The following LITAFD variants were observed in gnomAD, a reference collection of about 807,000 sequenced individuals.
LITAFD encodes the protein lITAF domain-containing protein.
intron 2 of LITAFD, among the ~76,000 whole-genome samples, chr16:8,883,560 A>C (rs1372572954): frequency 6.6e-6 from 1 of 152,040 alleles, no homozygotes; most frequent in East Asian, 1.9e-4. Context: ...GGCACTCAGG[A>C]AATTTTTATG....
In LITAFD at chr16:8,885,287, C is replaced by G. The variant is rs113313261; in HGVS notation, c.211C>G (p.Arg71Gly). ...TCAGCGCGAGCTCTTCTACTACCAC[C>G]GCCTGTGAGCCCCCAAGAAATAAAT... Residue 71 changes from arginine to glycine, a missense_variant, in exon 4 of 4, where the codon CGC (arginine) becomes GGC (glycine). Arg to Gly is a moderately radical substitution (Grantham distance 125). Transcript: ENST00000636296. 1,173 of 399,144 alleles carry G rather than the reference C, an allele frequency of 2.9e-3. 7 individuals are homozygous for G. The highest frequency in any genetic ancestry group is 0.022 in the African/African-American group (1,081 of 48,720). The allele number at this position is 399,144 out of a possible 1,614,324, so 24.7% of individuals were successfully genotyped here. A position where few individuals can be genotyped will look rare whatever the true frequency, so the allele number is the denominator to read the frequency against.
At chr16:8,885,288 G>A (rs994294131) in exon 4 of LITAFD, 21 of 398,930 alleles carry the variant, frequency 5.3e-5, no homozygotes, top group East Asian at 2.1e-4. Flanking sequence ...TACTACCACC[G>A]CCTGTGAGCC....
At chr16:8,884,464 G>A (rs2061555879) in exon 3 of LITAFD, 2 of 399,380 alleles carry the variant, frequency 5.0e-6, no homozygotes, top group Non-Finnish European at 4.4e-6. Flanking sequence ...CTTCCTGTTC[G>A]GGTGAGTGGC....
chr16:8,884,453 T>G, exon 3 of LITAFD: 1 of 395,192 alleles, frequency 2.5e-6, no homozygotes, highest in Non-Finnish European at 4.5e-6. Context: ...TGTACCACCC[T>G]CTTCCTGTTC....
exon 3 of LITAFD, chr16:8,884,421 G>A (rs945970753): frequency 1.3e-5 from 5 of 399,164 alleles, no homozygotes; most frequent in Non-Finnish European, 2.2e-5. Flanking sequence ...CCTTTGTCCC[G>A]GGTGCCCTCA....
At position 8,884,759 on chromosome 16, in the gene LITAFD, A is replaced by G. The variant is rs549951698; in HGVS notation, c.110+294A>G. On this transcript the variant is annotated intron_variant, in intron 3 of 3. Coordinates refer to ENST00000636296, the Ensembl canonical transcript of LITAFD. ...GCAGCCAAGAGCTTGCGGGTTCAGG[A>G]TGGCTCTTACCTCTCAGCTGTGGAG... Among the ~76,000 whole-genome samples the G allele has an allele frequency of 2.1e-4, 32 of 152,216 alleles. No individual in the cohort carries two copies. In the South Asian group the frequency reaches 6.6e-3, roughly 32 times the overall value.
At chr16:8,883,897 T>A (rs1335829612) in intron 2 of LITAFD, among the ~76,000 whole-genome samples, 1 of 152,072 alleles carries the variant, frequency 6.6e-6, no homozygotes, top group Non-Finnish European at 1.5e-5. Context: ...AAACCCCATC[T>A]CTACTAAAAA....
intron 3 of LITAFD, 33 bp from the exon 4 acceptor site, chr16:8,885,154 C>T (rs1007062551): frequency 1.8e-5 from 7 of 399,138 alleles, no homozygotes; most frequent in East Asian, 1.4e-4. Flanking sequence ...GAGGTGGCCC[C>T]GCTCACGCCC....
chr16:8,884,731 CCAG>C (rs1306546158), intron 3 of LITAFD, among the ~76,000 whole-genome samples: 1 of 152,142 alleles, frequency 6.6e-6, no homozygotes, highest in East Asian at 1.9e-4. Flanking sequence ...GCTGCTGTCA[CCAG>C]CAGCCAAGAG....
chr16:8,883,379 ACT>A (rs2061550533), intron 2 of LITAFD, 93 bp downstream of exon 2: 1 of 151,758 alleles, frequency 6.6e-6, no homozygotes, highest in Admixed American at 6.6e-5. Flanking sequence ...TCTGACCAAG[ACT>A]CTGCCCAAAC....
intron 3 of LITAFD, 41 bp from the exon 4 acceptor site, chr16:8,885,146 G>A (rs2061560042): frequency 5.0e-6 from 2 of 399,218 alleles, no homozygotes; most frequent in South Asian, 1.3e-4. Flanking sequence ...TACAGTGAGA[G>A]GTGGCCCCGC....
intron 2 of LITAFD, among the ~76,000 whole-genome samples, chr16:8,884,043 C>T (rs574462213): frequency 2.0e-4 from 31 of 152,124 alleles, no homozygotes; most frequent in East Asian, 5.8e-4. Flanking sequence ...CCAGCCTGGA[C>T]GACAGAGTGA....
chr16:8,883,447 G>A (rs1596338499), intron 2 of LITAFD, among the ~76,000 whole-genome samples, 161 bp downstream of exon 2: 1 of 152,268 alleles, frequency 6.6e-6, no homozygotes, highest in South Asian at 2.1e-4. Context: ...GGACCCCGCA[G>A]CTGGCCAGCT....
At chr16:8,885,059 TGA>T (rs945261830) in intron 3 of LITAFD, 126 bp from the exon 4 acceptor site, 10 of 398,952 alleles carry the variant, frequency 2.5e-5, no homozygotes, top group Admixed American at 2.2e-4. Flanking sequence ...GGATACAGAG[TGA>T]GACTCTGTCT....
chr16:8,884,165 G>A (rs1229608144), intron 2 of LITAFD, among the ~76,000 whole-genome samples, 158 bp from the exon 3 acceptor site: 1 of 152,120 alleles, frequency 6.6e-6, no homozygotes, highest in African/African-American at 2.4e-5. Flanking sequence ...AAACCGGGGT[G>A]GGGGAGCCAC....
chr16:8,882,362 C>T (rs1168745134), exon 1 of LITAFD: 2 of 152,790 alleles, frequency 1.3e-5, no homozygotes, highest in African/African-American at 4.8e-5. Context: ...GGTGTGGCCC[C>T]AGCTCCTCAC....
intron 1 of LITAFD, 44 bp downstream of exon 1, chr16:8,882,554 G>C (rs1281156732): frequency 2.0e-5 from 3 of 152,394 alleles, no homozygotes; most frequent in African/African-American, 7.2e-5. Context: ...GCAGGGACCG[G>C]GAAGAAGTCT....
At position 8,885,230 on chromosome 16, in the gene LITAFD, C is replaced by CTGGCATTCTGCA. The variant is rs547447926; in HGVS notation, c.155_156insGGCATTCTGCAT (p.Leu52_Met53insAlaPheCysIle). On this transcript the variant is annotated inframe_insertion, in exon 4 of 4. Coordinates refer to ENST00000636296, the Ensembl canonical transcript of LITAFD. ...CTTCCTGGCATTCTGCATAAGGAGC[C>CTGGCATTCTGCA]TAATGGACGTGAAGCACTCGTGTCC... The CTGGCATTCTGCA allele has an allele frequency of 8.7e-4, 348 of 399,132 alleles. 1 individual carries two copies. The South Asian group carries it at 0.011, about 12-fold the overall frequency. 24.7% of individuals were successfully genotyped at this position (399,132 alleles called of 1,614,324 possible).
At chr16:8,882,963 G>A (rs1418416054) in intron 1 of LITAFD, among the ~76,000 whole-genome samples, 1 of 152,184 alleles carries the variant, frequency 6.6e-6, no homozygotes, top group Non-Finnish European at 1.5e-5. Flanking sequence ...GGCATCCCGA[G>A]TAGCTGGGAT....
Sources: allele counts gnomAD v4.1 joint callset (sites outside exome capture counted in the v4.1 genomes callset), GRCh38; gene constraint gnomAD v4.1.1; transcripts MANE v1.5; gene names NCBI Gene and HGNC (gene_info 2026-07-23, HGNC 2026-07-21).